SGMS1: variants seen among roughly 807,000 people sequenced by gnomAD.
The protein encoded by SGMS1 is sphingomyelin synthase 1, also known as phosphatidylcholine:ceramide cholinephosphotransferase 1.
Under a neutral mutation model 46.2 loss-of-function variants are expected in SGMS1, and 13 were observed. That is an observed-to-expected ratio of 0.28 (90% CI 0.18 to 0.45). The LOEUF (loss-of-function observed/expected upper bound fraction) is 0.45, where lower values mean the gene tolerates loss of function less well. Among genes scored for constraint, SGMS1 ranks in the 20% least tolerant of loss-of-function variants. SGMS1 has a pLI of 1.00. For missense variants in SGMS1, 324 were observed against 519.9 expected (o/e 0.62, Z 3.66); for synonymous variants, 203 against 187.8 (o/e 1.08, Z -0.66).
Position 50,564,102 on chromosome 10 carries a change from A to G in SGMS1, c.-589+26051T>C, listed in dbSNP as rs367997747. On this transcript the variant is annotated intron_variant, in intron 2 of 10. Transcript: ENST00000361781. ...AACACATTCCTGTGACAGCCACATT[A>G]GCACAGACTTTAACCATGACAACCC... Among the ~76,000 whole-genome samples, 40 of 152,374 alleles carry G rather than the reference A, an allele frequency of 2.6e-4. No homozygotes were observed. In the East Asian group the frequency reaches 5.6e-3, roughly 21 times the overall value.
intron 1 of SGMS1, 27 bp downstream of exon 1, chr10:50,623,680 G>A: frequency 2.0e-6 from 2 of 985,308 alleles, no homozygotes; most frequent in East Asian, 1.1e-4. Flanking sequence ...CGTGAGGCCG[G>A]CTGTCTGTCC....
chr10:50,403,784 T>A (rs1194313755), intron 6 of SGMS1, among the ~76,000 whole-genome samples: 1 of 150,034 alleles, frequency 6.7e-6, no homozygotes, highest in Admixed American at 6.7e-5. Flanking sequence ...TGTAAGATAG[T>A]ACAGGGTCTC....
chr10:50,521,164 C>T (rs963902248), intron 2 of SGMS1, among the ~76,000 whole-genome samples: 1 of 152,192 alleles, frequency 6.6e-6, no homozygotes, highest in African/African-American at 2.4e-5. Context: ...ACTACCATAA[C>T]TGGCCTTTAA....
intron 2 of SGMS1, among the ~76,000 whole-genome samples, chr10:50,542,322 C>T (rs1211431866): frequency 6.6e-6 from 1 of 152,090 alleles, no homozygotes; most frequent in Non-Finnish European, 1.5e-5. Flanking sequence ...AAAGATCTTA[C>T]ACACATATGT....
In SGMS1 at chr10:50,618,465, C is replaced by T. The variant is rs537680202; in HGVS notation, c.-684+5242G>A. Among the ~76,000 whole-genome samples, 160 of 152,212 alleles carry T rather than the reference C, an allele frequency of 1.1e-3. 4 individuals carry two copies. The highest frequency in any genetic ancestry group is 4.7e-4 in the Non-Finnish European group (32 of 68,018). On this transcript the variant is annotated intron_variant, in intron 1 of 10. Transcript: ENST00000361781. Reference sequence around the variant, plus strand: ...TACCAAAAAAATCTTCAAATCACCACATTAGGAAAAGCAAGTATGGCTAGT... The same window carrying T: ...TACCAAAAAAATCTTCAAATCACCATATTAGGAAAAGCAAGTATGGCTAGT...
intron 2 of SGMS1, among the ~76,000 whole-genome samples, chr10:50,589,282 T>C (rs887269342): frequency 1.3e-5 from 2 of 152,106 alleles, no homozygotes; most frequent in African/African-American, 4.8e-5. Flanking sequence ...GTGAGAGAGA[T>C]AGACTGGGAC....
rs552450565 is a variant in SGMS1, at chr10:50,313,919, A to G, written c.742-2504T>C. On this transcript the variant is annotated intron_variant, in intron 8 of 10. Transcript: ENST00000361781. ...CTTTTCAAAATATCTTCCTATGTTT[A>G]TCAAACTTCTGCAAAGGGAAAACCT... Among the ~76,000 whole-genome samples, 6 of 152,342 alleles carry G rather than the reference A, an allele frequency of 3.9e-5. No homozygotes were observed. In the East Asian group the frequency reaches 1.2e-3, roughly 29 times the overall value.
At position 50,308,067 on chromosome 10, in the gene SGMS1, T is replaced by C. The variant is rs772626240; in HGVS notation, c.977A>G (p.His326Arg). Residue 326 changes from histidine (H) to arginine (R), a missense_variant, in exon 10 of 11, where the codon CAT becomes CGT. Physicochemically the swap from His to Arg is conservative, Grantham distance 29. Coordinates refer to ENST00000361781, the MANE Select transcript of SGMS1 (RefSeq NM_147156.4). ...VVGIFCILLA[H>R]DHYTVDVVVA... ...CACCACGTCCACAGTGTAGTGGTCA[T>C]GCGCTAAGAGAATACAGAAGATTCC... 1 of 1,614,076 alleles carries C rather than the reference T, an allele frequency of 6.2e-7. No individual in the cohort carries two copies. Among genetic ancestry groups the C allele is most frequent in the Admixed American group, 1.7e-5 (1 of 60,020 alleles).
chr10:50,614,970 G>A (rs1261122714), intron 1 of SGMS1, among the ~76,000 whole-genome samples: 1 of 152,244 alleles, frequency 6.6e-6, no homozygotes, highest in Admixed American at 6.5e-5. Context: ...CCATCAACAA[G>A]TGTGAATCCC....
At chr10:50,313,990 T>C (rs1195698032) in intron 8 of SGMS1, among the ~76,000 whole-genome samples, 3 of 152,042 alleles carry the variant, frequency 2.0e-5, no homozygotes, top group African/African-American at 7.2e-5. Flanking sequence ...AAAATTTAAA[T>C]TATGTTTAAA....
chr10:50,526,130 G>C (rs1464486825), intron 2 of SGMS1, among the ~76,000 whole-genome samples: 2 of 152,168 alleles, frequency 1.3e-5, no homozygotes, highest in Non-Finnish European at 2.9e-5. Context: ...AACTACCTGA[G>C]ACTAGGTAAT....
chr10:50,514,426 T>C (rs1037877100), intron 3 of SGMS1, among the ~76,000 whole-genome samples: 7 of 152,184 alleles, frequency 4.6e-5, no homozygotes, highest in African/African-American at 1.7e-4. Flanking sequence ...AGTGGCTACG[T>C]GGCTATGCTC....
intron 3 of SGMS1, among the ~76,000 whole-genome samples, chr10:50,485,629 G>T (rs555044794): frequency 1.1e-4 from 17 of 152,236 alleles, no homozygotes; most frequent in African/African-American, 3.4e-4. Context: ...TCCGGGTGCG[G>T]TGGCTCACAC....
intron 6 of SGMS1, among the ~76,000 whole-genome samples, chr10:50,396,945 C>T (rs1848856643): frequency 6.6e-6 from 1 of 152,236 alleles, no homozygotes; most frequent in East Asian, 1.9e-4. Context: ...ATAAGCACTC[C>T]ACCCTTCTGC....
intron 2 of SGMS1, among the ~76,000 whole-genome samples, chr10:50,575,890 G>GA (rs143642431): frequency 0.023 from 3,450 of 152,170 alleles, 65 homozygotes; most frequent in Non-Finnish European, 0.035. Context: ...ATAAAGGAAA[G>GA]AAGTATAACT....
chr10:50,440,292 A>T (rs938340019), intron 5 of SGMS1, among the ~76,000 whole-genome samples: 60 of 150,090 alleles, frequency 4.0e-4, no homozygotes, highest in African/African-American at 1.2e-3. Context: ...ATATATATAT[A>T]TTTTCTTTTA....
chr10:50,610,207 A>T (rs985962441), intron 1 of SGMS1, among the ~76,000 whole-genome samples: 1 of 152,212 alleles, frequency 6.6e-6, no homozygotes, highest in Non-Finnish European at 1.5e-5. Context: ...CAAGGCTGTC[A>T]GTGTGTGTCT....
intron 3 of SGMS1, 30 bp from the exon 4 acceptor site, chr10:50,466,962 C>T (rs535635398): frequency 6.6e-6 from 1 of 152,078 alleles, no homozygotes; most frequent in Non-Finnish European, 1.5e-5. Flanking sequence ...AATTAAAGTG[C>T]ATTCTTTGTG....
intron 1 of SGMS1, among the ~76,000 whole-genome samples, chr10:50,606,231 C>T (rs548860854): frequency 6.6e-6 from 1 of 152,164 alleles, no homozygotes; most frequent in Non-Finnish European, 1.5e-5. Context: ...AAGCCAAATA[C>T]TAAATAGTTC....
Sources: allele counts gnomAD v4.1 joint callset (sites outside exome capture counted in the v4.1 genomes callset), GRCh38; gene constraint gnomAD v4.1.1; transcripts MANE v1.5; gene names NCBI Gene and HGNC (gene_info 2026-07-23, HGNC 2026-07-21).